WDR49: variants seen among roughly 807,000 people sequenced by gnomAD.
WDR49 encodes WD repeat domain 49.
Under a neutral mutation model 119.5 loss-of-function variants are expected in WDR49, and 107 were observed. That is an observed-to-expected ratio of 0.90 (90% CI 0.77 to 1.05). WDR49 has a LOEUF of 1.05. Ranked by LOEUF, WDR49 falls within the 50% of genes least tolerant of loss-of-function variation. The pLI, the probability that WDR49 is intolerant of heterozygous loss-of-function variation, is 0.00. For missense variants in WDR49, 1,240 were observed against 1,220.5 expected (o/e 1.02, Z -0.24); for synonymous variants, 425 against 418.8 (o/e 1.01, Z -0.18).
At chr3:167,572,691 T>A (rs999155386) in intron 8 of WDR49, among the ~76,000 whole-genome samples, 32 of 151,956 alleles carry the variant, frequency 2.1e-4, no homozygotes, top group Admixed American at 1.9e-3. Context: ...ACCAAAAACA[T>A]AGGAAGAGAG....
At chr3:167,536,554 C>A (rs1358503662) in intron 11 of WDR49, among the ~76,000 whole-genome samples, 1 of 151,418 alleles carries the variant, frequency 6.6e-6, no homozygotes, top group Non-Finnish European at 1.5e-5. Flanking sequence ...GTGGGGCGTG[C>A]CTGTGGTCCC....
intron 10 of WDR49, among the ~76,000 whole-genome samples, chr3:167,542,014 A>T (rs1711870943): frequency 6.6e-6 from 1 of 151,970 alleles, no homozygotes; most frequent in Admixed American, 6.6e-5. Flanking sequence ...ACAGAGTGTG[A>T]CCCCATGTCA....
intron 7 of WDR49, among the ~76,000 whole-genome samples, chr3:167,582,503 T>A (rs531362334): frequency 1.8e-4 from 27 of 150,822 alleles, no homozygotes; most frequent in African/African-American, 6.1e-4. Context: ...AGTTATACTA[T>A]TTTTTTTTAG....
intron 2 of WDR49, among the ~76,000 whole-genome samples, chr3:167,631,431 A>T (rs1717369609): frequency 6.6e-6 from 1 of 152,008 alleles, no homozygotes. Flanking sequence ...GGAGACTCAA[A>T]TTTTTTGCCA....
rs140725299 is a variant in WDR49, at chr3:167,531,136, T to C, written c.2197A>G (p.Arg733Gly). 48 of 1,611,940 alleles carry C rather than the reference T, an allele frequency of 3.0e-5. No homozygotes were observed. Among genetic ancestry groups the C allele is most frequent in the Non-Finnish European group, 3.6e-5 (43 of 1,179,328 alleles). ...TTACCTGTCACTGCAGTGTTTTTTCTTGCTTTAAGAAAGCAAAGTCTCATA... is the reference window on the plus strand; with the variant it reads ...TTACCTGTCACTGCAGTGTTTTTTCCTGCTTTAAGAAAGCAAAGTCTCATA... ...AVMRLCFLKARKNTAVTGGAN... is the reference protein window; with the variant it reads ...AVMRLCFLKAGKNTAVTGGAN... The change falls in exon 13 of 19, where the codon AGA (arginine) becomes GGA (glycine). Residue 733 changes from arginine (R) to glycine (G), a missense_variant. Coordinates refer to ENST00000682715, the MANE Select transcript of WDR49 (RefSeq NM_001366157.1).
chr3:167,648,890 G>A (rs895693941), intron 2 of WDR49, among the ~76,000 whole-genome samples: 12 of 152,224 alleles, frequency 7.9e-5, no homozygotes, highest in African/African-American at 2.9e-4. Flanking sequence ...CCTCTGTCAT[G>A]TTGCAGATAT....
chr3:167,587,732 C>A (rs1029189006), intron 7 of WDR49, among the ~76,000 whole-genome samples: 21 of 152,168 alleles, frequency 1.4e-4, no homozygotes, highest in Non-Finnish European at 2.5e-4. Flanking sequence ...GATCCACCCA[C>A]CTCAGCTTCC....
At chr3:167,536,694 T>C (rs1753042533) in intron 11 of WDR49, among the ~76,000 whole-genome samples, 176 bp downstream of exon 11, 1 of 119,396 alleles carries the variant, frequency 8.4e-6, no homozygotes, top group African/African-American at 3.8e-5. Context: ...TACATATATA[T>C]ATATATATAT....
chr3:167,551,041 A>T (rs1423893563), intron 10 of WDR49, among the ~76,000 whole-genome samples: 1 of 151,998 alleles, frequency 6.6e-6, no homozygotes, highest in East Asian at 1.9e-4. Flanking sequence ...GCTTAAAATA[A>T]TGAGAAACAC....
In WDR49 at chr3:167,575,299, C is replaced by T. The variant is rs74520386; in HGVS notation, c.1509+619G>A. The T allele has an allele frequency of 0.022, 21,216 of 986,568 alleles. 1,944 individuals carry two copies. The African/African-American group carries it at 0.24, about 11-fold the overall frequency. 61.1% of individuals were successfully genotyped at this position (986,568 alleles called of 1,614,324 possible). A position where few individuals can be genotyped will look rare whatever the true frequency, so the allele number is the denominator to read the frequency against. Reference sequence around the variant, plus strand: ...GTCCTCCAAGAAGGGCTGTGGTCTGCGCAGTAACTCTGCTCCAGGGGAGCC... The same window carrying T: ...GTCCTCCAAGAAGGGCTGTGGTCTGTGCAGTAACTCTGCTCCAGGGGAGCC... On this transcript the variant is annotated intron_variant, in intron 8 of 18. Transcript: ENST00000682715.
intron 10 of WDR49, among the ~76,000 whole-genome samples, chr3:167,550,429 C>T (rs1443291953): frequency 3.9e-5 from 6 of 151,976 alleles, no homozygotes; most frequent in Admixed American, 3.9e-4. Context: ...AAGTTGGATT[C>T]CTAGGTATTT....
intron 7 of WDR49, among the ~76,000 whole-genome samples, chr3:167,582,457 C>T (rs1347362696): frequency 1.3e-5 from 2 of 151,904 alleles, no homozygotes; most frequent in Non-Finnish European, 2.9e-5. Context: ...TCTCTTCTGC[C>T]GTTTATCTTT....
intron 18 of WDR49, among the ~76,000 whole-genome samples, chr3:167,480,247 T>TAA (rs1162973369): frequency 9.8e-4 from 54 of 55,004 alleles, no homozygotes; most frequent in African/African-American, 1.7e-3. Context: ...AGACTCTGTC[T>TAA]AAAAAAAAAA....
At chr3:167,649,446 C>A (rs1718272739) in intron 2 of WDR49, among the ~76,000 whole-genome samples, 1 of 152,154 alleles carries the variant, frequency 6.6e-6, no homozygotes, top group South Asian at 2.1e-4. Flanking sequence ...CTGTAGAATG[C>A]TTTCTAAAAT....
At chr3:167,545,846 C>A (rs560165604) in intron 10 of WDR49, among the ~76,000 whole-genome samples, 113 of 149,616 alleles carry the variant, frequency 7.6e-4, no homozygotes, top group Non-Finnish European at 1.3e-3. Flanking sequence ...CCACCTGTAC[C>A]CCCAAAACTA....
intron 10 of WDR49, among the ~76,000 whole-genome samples, chr3:167,546,965 C>A (rs897872504): frequency 1.3e-5 from 2 of 151,674 alleles, no homozygotes; most frequent in African/African-American, 4.8e-5. Context: ...TATTTTTAGT[C>A]TTTTTCCTAT....
chr3:167,592,163 AC>A (rs1715148267), intron 7 of WDR49, among the ~76,000 whole-genome samples: 1 of 152,206 alleles, frequency 6.6e-6, no homozygotes, highest in Non-Finnish European at 1.5e-5. Context: ...GTATAAACAA[AC>A]CAACAAGCAA....
In WDR49 at chr3:167,527,728, T is replaced by C; in HGVS notation, c.2604+92A>G. 3.1e-6 allele frequency: 4 copies of C among 1,297,244 alleles called. No homozygotes were observed. The South Asian group carries it at 6.0e-5, about 19-fold the overall frequency. 80.4% of individuals were successfully genotyped at this position (1,297,244 alleles called of 1,614,324 possible). On this transcript the variant is annotated intron_variant, in intron 15 of 18. Coordinates refer to ENST00000682715, the MANE Select transcript of WDR49 (RefSeq NM_001366157.1). ...TCAGTTCTTTCATGACTAATGAACA[T>C]TAAACAGCTGATGAGATTCAAATAG...
chr3:167,550,711 A>G (rs1285371356), intron 10 of WDR49, among the ~76,000 whole-genome samples: 1 of 151,298 alleles, frequency 6.6e-6, no homozygotes, highest in Non-Finnish European at 1.5e-5. Context: ...GGAAAAACAC[A>G]GAGATTTCTC....
Sources: gnomAD v4.1 joint callset for allele counts (sites outside exome capture counted in the v4.1 genomes callset) on GRCh38, gnomAD v4.1.1 for gene constraint, MANE v1.5 for transcripts, NCBI Gene and HGNC (gene_info 2026-07-23, HGNC 2026-07-21) for gene names.